Variants in ATP7B observed in about 807,000 individuals in gnomAD.
ATP7B encodes ATPase copper transporting beta, also known as copper-transporting ATPase 2.
A neutral mutation model predicts 118.9 loss-of-function variants in ATP7B; 113 were observed. The ratio of observed to expected loss-of-function variants is 0.95; its 90% CI spans 0.82 to 1.11. The LOEUF (loss-of-function observed/expected upper bound fraction) is 1.11, where lower values mean the gene tolerates loss of function less well. Ranked by LOEUF, ATP7B falls within the 50% of genes most tolerant of loss-of-function variation. The probability of loss-of-function intolerance (pLI) is 0.00; values close to 1 mark genes in which losing one functional copy is unlikely to be tolerated. For missense variants in ATP7B, 1,867 were observed against 1,871.4 expected (o/e 1.00, Z 0.04); for synonymous variants, 777 against 727.4 (o/e 1.07, Z -1.10).
chr13:51,967,058 C>A lies in ATP7B; in HGVS notation c.1707+1386G>T, dbSNP rs554931189. 15 of 1,606,576 alleles carry A rather than the reference C, an allele frequency of 9.3e-6. No homozygotes were observed. In the Admixed American group the frequency reaches 1.5e-4, roughly 16 times the overall value. ...CAGGAGTGGGATGGGAAGGAAAGCA[C>A]AATAACAAGAAAATTGAAAGATGGG... On this transcript the variant is annotated intron_variant, in intron 4 of 20. Transcript: ENST00000242839.
rs1056165001 is a variant in ATP7B at position 52,000,586 on chromosome 13, T to C, written c.51+10701A>G. Among the ~76,000 whole-genome samples the C allele has an allele frequency of 2.6e-5, 4 of 152,262 alleles. No individual in the cohort carries two copies. The South Asian group carries it at 8.3e-4, about 31-fold the overall frequency. On this transcript the variant is annotated intron_variant, in intron 1 of 20. Coordinates refer to ENST00000242839, the MANE Select transcript of ATP7B (RefSeq NM_000053.4). ...ATCACCATCTCCTCGGTGTTTCATA[T>C]GCATCGCAAACTTAACTTGTCTACA...
chr13:51,941,340 T>C, intron 15 of ATP7B, 116 bp from the exon 16 acceptor site: 2 of 1,311,900 alleles, frequency 1.5e-6, no homozygotes, highest in Non-Finnish European at 2.2e-6. Context: ...AACTGTAACC[T>C]TGTAAGCACC....
At chr13:51,943,903 T>C (rs1957489103) in intron 14 of ATP7B, among the ~76,000 whole-genome samples, 3 of 152,016 alleles carry the variant, frequency 2.0e-5, no homozygotes, top group African/African-American at 7.3e-5. Context: ...CAAATGCCTG[T>C]GACACTGAAC....
intron 2 of ATP7B, 40 bp from the exon 3 acceptor site, chr13:51,970,789 A>G (rs1368934951): frequency 6.2e-7 from 1 of 1,605,248 alleles, no homozygotes; most frequent in Non-Finnish European, 8.5e-7. Flanking sequence ...TTAGAAGAGC[A>G]AATAATATGT....
chr13:51,940,179 A>AT (rs1453322385), intron 16 of ATP7B, among the ~76,000 whole-genome samples: 4 of 149,840 alleles, frequency 2.7e-5, no homozygotes, highest in Non-Finnish European at 5.9e-5. Flanking sequence ...CACCCCGCTA[A>AT]TTTTTTTATT....
chr13:51,959,809 T>G (rs1383971189), intron 7 of ATP7B: 2 of 341,896 alleles, frequency 5.8e-6, no homozygotes, highest in African/African-American at 2.1e-5. Flanking sequence ...GCAACAAACG[T>G]AAATTAACCT....
intron 4 of ATP7B, chr13:51,966,597 C>A: frequency 1.5e-6 from 1 of 679,966 alleles, no homozygotes; most frequent in Non-Finnish European, 2.5e-6. Flanking sequence ...TAGTTAAATG[C>A]AGAAATTCAC....
In ATP7B at chr13:51,974,401, C is replaced by G; in HGVS notation, c.819G>C (p.Leu273Phe). The stretch of plus-strand genomic sequence containing the variant: ...GCTGGCCAATATTTTCTTCAATATT[C>G]AAGACGCAAGACTTACAATGCATTC... The part of the protein sequence containing the change: ...IDGMHCKSCV[L>F]NIEENIGQLL... The change falls in exon 2 of 21, where the codon TTG (leucine) becomes TTC (phenylalanine). Residue 273 changes from leucine (L) to phenylalanine (F), a missense_variant. Transcript: ENST00000242839. 6.2e-7 allele frequency: 1 copy of G among 1,613,984 alleles called. No homozygotes were observed. Among genetic ancestry groups the G allele is most frequent in the Non-Finnish European group, 8.5e-7 (1 of 1,180,030 alleles).
At chr13:51,984,409 A>G (rs941054219) in intron 1 of ATP7B, among the ~76,000 whole-genome samples, 4 of 152,196 alleles carry the variant, frequency 2.6e-5, no homozygotes. Flanking sequence ...GAAATATAAG[A>G]CTATGTGAAA....
intron 17 of ATP7B, 69 bp downstream of exon 17, chr13:51,938,982 C>G (rs528190923): frequency 6.2e-7 from 1 of 1,612,436 alleles, no homozygotes; most frequent in African/African-American, 1.3e-5. Context: ...GCTGGGCCAA[C>G]TGGTGCTTAC....
chr13:51,937,036 C>G (rs1957007123), intron 19 of ATP7B, among the ~76,000 whole-genome samples: 1 of 151,854 alleles, frequency 6.6e-6, no homozygotes, highest in Admixed American at 6.5e-5. Context: ...TCAGAAAATA[C>G]AGCCAAGCAT....
At chr13:51,955,678 C>T (rs911344938) in intron 9 of ATP7B, among the ~76,000 whole-genome samples, 5 of 152,114 alleles carry the variant, frequency 3.3e-5, no homozygotes, top group African/African-American at 9.7e-5. Flanking sequence ...CCTAGCAAGG[C>T]GAGTTGGAGG....
rs771789585 is a variant in ATP7B at position 51,970,620 on chromosome 13, G to C, written c.1415C>G (p.Pro472Arg). 6.2e-7 allele frequency: 1 copy of C among 1,614,120 alleles called. No homozygotes were observed. Among genetic ancestry groups the C allele is most frequent in the Admixed American group, 1.7e-5 (1 of 60,030 alleles). Residue 472 changes from proline (P) to arginine (R), a missense_variant, in exon 3 of 21, where the codon CCG becomes CGG. Transcript: ENST00000242839. ...TTGTGGGGACTTTGCCAAGATGTCC[G>C]GGGCATGGTTTGCAGGGAGCCTCCC... ...HTGRLPANHA[P>R]DILAKSPQST...
At chr13:51,987,470 G>A (rs546221107) in intron 1 of ATP7B, among the ~76,000 whole-genome samples, 1 of 152,308 alleles carries the variant, frequency 6.6e-6, no homozygotes, top group South Asian at 2.1e-4. Context: ...TCAATATCGT[G>A]AAAATGGCCA....
chr13:52,011,397 C>G lies in ATP7B; in HGVS notation c.-60G>C, dbSNP rs1479832002. The G allele has an allele frequency of 6.2e-6, 10 of 1,611,558 alleles. No homozygotes were observed. The Admixed American group carries it at 1.7e-4, about 27-fold the overall frequency. Reference sequence around the variant, plus strand: ...GGCTCAGAGCAAAAGGTCACCTGGTCGGTGGAGGAGAGCGGGGTGTTAAAG... The same window carrying G: ...GGCTCAGAGCAAAAGGTCACCTGGTGGGTGGAGGAGAGCGGGGTGTTAAAG... On this transcript the variant is annotated 5_prime_UTR_variant, in exon 1 of 21. Coordinates refer to ENST00000242839, the MANE Select transcript of ATP7B (RefSeq NM_000053.4).
chr13:51,954,091 G>A (rs889342275), intron 9 of ATP7B, among the ~76,000 whole-genome samples: 1 of 152,190 alleles, frequency 6.6e-6, no homozygotes, highest in Non-Finnish European at 1.5e-5. Flanking sequence ...TGGGGAATCA[G>A]GAAAGGCTTC....
At chr13:51,972,890 C>A (rs1393285732) in intron 2 of ATP7B, among the ~76,000 whole-genome samples, 1 of 152,114 alleles carries the variant, frequency 6.6e-6, no homozygotes, top group South Asian at 2.1e-4. Flanking sequence ...CCTGTAGTCC[C>A]AGCTACTCAG....
intron 20 of ATP7B, 133 bp downstream of exon 20, chr13:51,935,460 T>C (rs370108739): frequency 6.4e-5 from 63 of 983,514 alleles, no homozygotes; most frequent in South Asian, 2.6e-4. Context: ...CCAGGCTCCA[T>C]GTGGGCTGCC....
At position 51,974,099 on chromosome 13, in the gene ATP7B, A is replaced by G; in HGVS notation, c.1121T>C (p.Val374Ala). Reference sequence around the variant, plus strand: ...GGAGATCATGCCTTCAATGGAATGGACACAGGATGCACAGGTCATGCCGGC... The same window carrying G: ...GGAGATCATGCCTTCAATGGAATGGGCACAGGATGCACAGGTCATGCCGGC... ...AIAGMTCASC[V>A]HSIEGMISQL... The change falls in exon 2 of 21, where the codon GTC (valine) becomes GCC (alanine). Residue 374 changes from valine to alanine, a missense_variant. Physicochemically the swap from Val to Ala is moderately conservative, Grantham distance 64 (BLOSUM62 0). Coordinates refer to ENST00000242839, the MANE Select transcript of ATP7B (RefSeq NM_000053.4). The G allele has an allele frequency of 6.2e-7, 1 of 1,614,022 alleles. No homozygotes were observed. Among genetic ancestry groups the G allele is most frequent in the South Asian group, 1.1e-5 (1 of 91,070 alleles).
Sources: gnomAD v4.1 joint callset for allele counts (sites outside exome capture counted in the v4.1 genomes callset) on GRCh38, gnomAD v4.1.1 for gene constraint, MANE v1.5 for transcripts, NCBI Gene and HGNC (gene_info 2026-07-23, HGNC 2026-07-21) for gene names.